Variants in GTF2IRD1 observed in about 807,000 individuals in gnomAD.
GTF2IRD1 encodes the protein GTF2I repeat domain containing 1.
A neutral mutation model predicts 113.2 loss-of-function variants in GTF2IRD1; 26 were observed. The ratio of observed to expected loss-of-function variants is 0.23; its 90% CI spans 0.17 to 0.32. The LOEUF is 0.32. Ranked by LOEUF, GTF2IRD1 falls within the 10% of genes least tolerant of loss-of-function variation. GTF2IRD1 has a pLI of 1.00. For missense variants in GTF2IRD1, 864 were observed against 1,280.8 expected (o/e 0.67, Z 4.97); for synonymous variants, 484 against 529.1 (o/e 0.91, Z 1.17).
At chr7:74,506,293 G>A (rs1554341047) in intron 1 of GTF2IRD1, 1 of 152,210 alleles carries the variant, frequency 6.6e-6, no homozygotes, top group African/African-American at 2.4e-5. Flanking sequence ...TATGCACACT[G>A]GGCACTGGTC....
intron 1 of GTF2IRD1, among the ~76,000 whole-genome samples, chr7:74,472,791 A>G (rs1794186914): frequency 6.6e-6 from 1 of 152,114 alleles, no homozygotes; most frequent in South Asian, 2.1e-4. Flanking sequence ...ATCAATCCAC[A>G]TCCATGACTC....
intron 22 of GTF2IRD1, among the ~76,000 whole-genome samples, chr7:74,575,759 G>A (rs1443343854): frequency 2.6e-5 from 4 of 152,208 alleles, no homozygotes; most frequent in Non-Finnish European, 4.4e-5. Context: ...GCAGGAGGTG[G>A]CGGATCAGGC....
At chr7:74,546,104 C>T (rs1175104365) in intron 16 of GTF2IRD1, among the ~76,000 whole-genome samples, 1 of 151,998 alleles carries the variant, frequency 6.6e-6, no homozygotes, top group Non-Finnish European at 1.5e-5. Flanking sequence ...CCCTCACCCT[C>T]ATCCCTCCGC....
In GTF2IRD1 at chr7:74,515,536, C is replaced by A; in HGVS notation, c.361C>A (p.His121Asn). Reference protein sequence around the residue: ...GRSLPRSSLEHGSDVYLLRKM... With the variant: ...GRSLPRSSLENGSDVYLLRKM... Reference sequence around the variant, plus strand: ...TAGCCTCCCTCGGTCCTCCCTGGAACATGGCTCAGATGTGTACCTTCTGCG... The same window carrying A: ...TAGCCTCCCTCGGTCCTCCCTGGAAAATGGCTCAGATGTGTACCTTCTGCG... Residue 121 changes from histidine (H) to asparagine (N), a missense_variant, in exon 4 of 27, where the codon CAT (histidine) becomes AAT (asparagine). Around this residue, in one of 7 missense-constraint regions of GTF2IRD1, gnomAD observed 182 missense variants for 266.6 expected, o/e 0.68. Transcript: ENST00000424337. 6.2e-7 allele frequency: 1 copy of A among 1,613,842 alleles called. No homozygotes were observed. The highest frequency in any genetic ancestry group is 8.5e-7 in the Non-Finnish European group (1 of 1,179,748).
At chr7:74,557,813 G>C (rs1239314675) in intron 20 of GTF2IRD1, 91 bp downstream of exon 20, 1 of 765,662 alleles carries the variant, frequency 1.3e-6, no homozygotes, top group Non-Finnish European at 2.2e-6. Flanking sequence ...GGCATTTCTG[G>C]GGAAACAATT....
intron 22 of GTF2IRD1, among the ~76,000 whole-genome samples, chr7:74,581,606 C>G (rs1801423940): frequency 6.6e-6 from 1 of 152,236 alleles, no homozygotes; most frequent in Admixed American, 6.5e-5. Flanking sequence ...GAGGCCACCA[C>G]TGCCCACAGC....
intron 9 of GTF2IRD1, among the ~76,000 whole-genome samples, chr7:74,533,692 G>T (rs1798109765): frequency 6.6e-6 from 1 of 152,046 alleles, no homozygotes; most frequent in Admixed American, 6.6e-5. Flanking sequence ...TAAGGGAAGG[G>T]CTGGCCGCTC....
chr7:74,492,658 A>G (rs1795433000), intron 1 of GTF2IRD1, among the ~76,000 whole-genome samples: 1 of 151,936 alleles, frequency 6.6e-6, no homozygotes, highest in Non-Finnish European at 1.5e-5. Context: ...CCATGTTTTT[A>G]TGAGAACAAG....
In GTF2IRD1 at chr7:74,462,855, C is replaced by T. The variant is rs180749724; in HGVS notation, c.-7+8679C>T. Among the ~76,000 whole-genome samples, 241 of 152,384 alleles carry T rather than the reference C, an allele frequency of 1.6e-3. 1 individual carries two copies. The Middle Eastern group carries it at 0.027, about 17-fold the overall frequency. ...ATTACACCTGCCTGCCGCTGCCCTC[C>T]GGGCCTCTGGCCCCATGCGATCCTC... On this transcript the variant is annotated intron_variant, in intron 1 of 26. Transcript: ENST00000424337.
chr7:74,532,325 A>T (rs1478437904), intron 9 of GTF2IRD1, among the ~76,000 whole-genome samples: 2 of 152,218 alleles, frequency 1.3e-5, no homozygotes, highest in Non-Finnish European at 2.9e-5. Context: ...AGGCTGAGAC[A>T]GGAGGATCAC....
intron 1 of GTF2IRD1, among the ~76,000 whole-genome samples, chr7:74,501,655 G>T (rs530215750): frequency 7.9e-5 from 12 of 152,116 alleles, no homozygotes; most frequent in East Asian, 3.9e-4. Context: ...GTTTGTTTTG[G>T]TTTTTTCTTT....
At chr7:74,490,400 T>C (rs1029413683) in intron 1 of GTF2IRD1, among the ~76,000 whole-genome samples, 8 of 151,816 alleles carry the variant, frequency 5.3e-5, no homozygotes, top group African/African-American at 1.7e-4. Context: ...TGACTGGCAG[T>C]GTTCTTCCCG....
intron 9 of GTF2IRD1, among the ~76,000 whole-genome samples, chr7:74,531,659 G>A (rs1797970136): frequency 1.3e-5 from 2 of 151,832 alleles, no homozygotes; most frequent in East Asian, 1.9e-4. Context: ...AAGGTAGGCG[G>A]ATCACTTGAG....
At chr7:74,564,187 C>G (rs1301950464) in intron 22 of GTF2IRD1, among the ~76,000 whole-genome samples, 1 of 152,042 alleles carries the variant, frequency 6.6e-6, no homozygotes, top group Admixed American at 6.6e-5. Flanking sequence ...CCATGACACT[C>G]GGCTAATTTT....
rs201574935 is a variant in GTF2IRD1 at position 74,519,424 on chromosome 7, C to T, written c.621C>T (p.Gly207=). The change falls in exon 6 of 27, where the codon GGC becomes GGT. Residue 207 remains glycine, a synonymous_variant. Transcript: ENST00000424337. ...RFKLKRPLED[G]GRDSKALVEL... ...CTTTACTCAGGCCACTTGAGGATGG[C>T]GGGCGGGACTCGAAGGCCCTGGTGG... The T allele has an allele frequency of 3.1e-5, 47 of 1,528,704 alleles. No individual in the cohort carries two copies. The East Asian group carries it at 6.2e-4, about 20-fold the overall frequency. 94.7% of individuals were successfully genotyped at this position (1,528,704 alleles called of 1,614,324 possible).
chr7:74,569,161 T>G (rs1423963033), intron 22 of GTF2IRD1, among the ~76,000 whole-genome samples: 1 of 151,900 alleles, frequency 6.6e-6, no homozygotes, highest in Non-Finnish European at 1.5e-5. Context: ...CAGGGAAAGC[T>G]CCCCCTCCCT....
At position 74,485,132 on chromosome 7, in the gene GTF2IRD1, GC is replaced by G. The variant is rs141318646; in HGVS notation, c.-6-22942del. ...GGGTGGCTTAGGGTGCAGGAAAGAGGCTTGTGAGTGGGATCATGCCAGAGGG... is the reference window on the plus strand; with the variant it reads ...GGGTGGCTTAGGGTGCAGGAAAGAGGTTGTGAGTGGGATCATGCCAGAGGG... On this transcript the variant is annotated intron_variant, in intron 1 of 26. Coordinates refer to ENST00000424337, the MANE Select transcript of GTF2IRD1 (RefSeq NM_005685.4). Among the ~76,000 whole-genome samples, 17 of 152,286 alleles carry G rather than the reference GC, an allele frequency of 1.1e-4. No individual in the cohort carries two copies. In the East Asian group the frequency reaches 3.3e-3, roughly 29 times the overall value.
Position 74,538,185 on chromosome 7 carries a change from C to A in GTF2IRD1, c.1447+12C>A. ...AGACTGTGGGCCAGGTGAGAAGGAACAGGGCCCGCTGTGTGTGTGGTGGGC... is the reference window on the plus strand; with the variant it reads ...AGACTGTGGGCCAGGTGAGAAGGAAAAGGGCCCGCTGTGTGTGTGGTGGGC... On this transcript the variant is annotated intron_variant, in intron 12 of 26. Transcript: ENST00000424337. The A allele has an allele frequency of 1.2e-6, 2 of 1,612,200 alleles. No homozygotes were observed. Among genetic ancestry groups the A allele is most frequent in the Non-Finnish European group, 1.7e-6 (2 of 1,179,488 alleles).
chr7:74,492,256 T>C lies in GTF2IRD1; in HGVS notation c.-6-15819T>C, dbSNP rs886662291. On this transcript the variant is annotated intron_variant, in intron 1 of 26. Coordinates refer to ENST00000424337, the MANE Select transcript of GTF2IRD1 (RefSeq NM_005685.4). ...CGTGATCTCGGCTCACCGCAAGCTC[T>C]GCCTCCCGGGTTCACGCCATTCTCC... 4.0e-5 allele frequency among the ~76,000 whole-genome samples: 6 copies of C among 151,786 alleles called. 1 individual carries two copies. The highest frequency in any genetic ancestry group is 1.3e-4 in the Admixed American group (2 of 15,216).
Sources: gnomAD v4.1 joint callset for allele counts (sites outside exome capture counted in the v4.1 genomes callset) on GRCh38, gnomAD v4.1.1 for gene constraint, gnomAD v4.1.1 regional missense constraint, MANE v1.5 for transcripts, NCBI Gene and HGNC (gene_info 2026-07-23, HGNC 2026-07-21) for gene names.